JAK1: variants seen among roughly 807,000 people sequenced by gnomAD.
JAK1 encodes tyrosine-protein kinase JAK1.
Under a neutral mutation model 136.6 loss-of-function variants are expected in JAK1, and 16 were observed. The ratio of observed to expected loss-of-function variants is 0.12; its 90% confidence interval spans 0.08 to 0.18. The LOEUF (loss-of-function observed/expected upper bound fraction) is 0.18. Ranked by LOEUF, JAK1 falls within the 10% of genes least tolerant of loss-of-function variation. JAK1 has a pLI of 1.00. For missense variants in JAK1, 859 were observed against 1,450.1 expected (o/e 0.59, Z 6.62); for synonymous variants, 492 against 519.5 (o/e 0.95, Z 0.72).
At chr1:64,914,116 G>A (rs1645350575) in intron 1 of JAK1, among the ~76,000 whole-genome samples, 1 of 152,170 alleles carries the variant, frequency 6.6e-6, no homozygotes, top group Non-Finnish European at 1.5e-5. Context: ...CCAATGTCAG[G>A]TCATTTTGAG....
At chr1:64,910,797 T>C (rs531050345) in intron 1 of JAK1, among the ~76,000 whole-genome samples, 4 of 147,152 alleles carry the variant, frequency 2.7e-5, no homozygotes, top group East Asian at 2.1e-4. Flanking sequence ...TGAGTCGAGA[T>C]TGCGCCACTG....
intron 7 of JAK1, among the ~76,000 whole-genome samples, chr1:64,866,057 C>T (rs1378773048): frequency 2.0e-5 from 3 of 152,116 alleles, no homozygotes; most frequent in African/African-American, 7.2e-5. Flanking sequence ...ACTGCACCCA[C>T]CCACATTTAC....
At chr1:64,853,592 C>G (rs1655736495) in intron 11 of JAK1, among the ~76,000 whole-genome samples, 1 of 152,228 alleles carries the variant, frequency 6.6e-6, no homozygotes, top group African/African-American at 2.4e-5. Flanking sequence ...TACTACTGTT[C>G]TACCTACTAC....
chr1:64,985,482 C>CA (rs1162476537), intron 2 of JAK1: 2 of 1,596,954 alleles, frequency 1.3e-6, no homozygotes, highest in African/African-American at 2.7e-5. Flanking sequence ...ACTTTCAGGG[C>CA]AAAAAGGAAG....
At chr1:64,873,348 C>T in intron 5 of JAK1, 22 bp downstream of exon 5, 1 of 1,613,824 alleles carries the variant, frequency 6.2e-7, no homozygotes, top group African/African-American at 1.3e-5. Flanking sequence ...ACTCCAGCTT[C>T]TCCTGGGCCC....
chr1:64,946,378 T>C (rs1017922740), intron 1 of JAK1, among the ~76,000 whole-genome samples: 1 of 152,202 alleles, frequency 6.6e-6, no homozygotes, highest in Non-Finnish European at 1.5e-5. Flanking sequence ...AAGTAAATGG[T>C]GGCTGGCAAG....
intron 1 of JAK1, among the ~76,000 whole-genome samples, chr1:64,896,668 G>T (rs1016616357): frequency 6.6e-6 from 1 of 152,138 alleles, no homozygotes; most frequent in African/African-American, 2.4e-5. Context: ...TATCGCCAAA[G>T]AAGAATTAGC....
intron 10 of JAK1, among the ~76,000 whole-genome samples, chr1:64,857,416 C>A (rs531835738): frequency 8.5e-5 from 13 of 152,268 alleles, no homozygotes; most frequent in African/African-American, 2.9e-4. Flanking sequence ...GGACCCCCAC[C>A]ATGGGTCCCA....
chr1:64,886,751 T>TAC (rs3838404), intron 1 of JAK1, among the ~76,000 whole-genome samples: 12,596 of 138,836 alleles, frequency 0.091, 518 homozygotes, highest in South Asian at 0.12. Flanking sequence ...CAACCTTGTC[T>TAC]ACACACACAC....
chr1:64,971,620 G>A (rs556524643), intron 2 of JAK1, among the ~76,000 whole-genome samples: 51 of 151,702 alleles, frequency 3.4e-4, no homozygotes, highest in Middle Eastern at 3.4e-3. Flanking sequence ...GTACAGTGGC[G>A]TGATCTCGGC....
intron 1 of JAK1, among the ~76,000 whole-genome samples, chr1:65,056,828 G>T (rs1272404689): frequency 1.3e-5 from 2 of 150,754 alleles, no homozygotes; most frequent in African/African-American, 2.4e-5. Flanking sequence ...GCAGGCTGAG[G>T]CATAAGGATC....
At chr1:64,852,243 CAG>C (rs1449311669) in intron 11 of JAK1, among the ~76,000 whole-genome samples, 5 of 152,250 alleles carry the variant, frequency 3.3e-5, no homozygotes, top group Non-Finnish European at 7.3e-5. Context: ...GATGAGAAAA[CAG>C]AGATTCTGAG....
At chr1:64,909,982 C>T (rs1645255002) in intron 1 of JAK1, among the ~76,000 whole-genome samples, 1 of 152,194 alleles carries the variant, frequency 6.6e-6, no homozygotes, top group Non-Finnish European at 1.5e-5. Flanking sequence ...GTGACCTCCT[C>T]AGTGGGATGG....
At chr1:65,059,386 CT>C (rs1403825108) in intron 1 of JAK1, among the ~76,000 whole-genome samples, 2 of 152,164 alleles carry the variant, frequency 1.3e-5, no homozygotes, top group Admixed American at 1.3e-4. Context: ...GCTAGTGGGG[CT>C]TTATAATTAA....
intron 2 of JAK1, among the ~76,000 whole-genome samples, chr1:65,010,997 A>C (rs1646844123): frequency 6.6e-6 from 1 of 152,142 alleles, no homozygotes. Flanking sequence ...CTAAAATAAT[A>C]ATAATAGATA....
intron 2 of JAK1, among the ~76,000 whole-genome samples, chr1:65,000,528 G>T (rs1646745801): frequency 6.6e-6 from 1 of 151,700 alleles, no homozygotes; most frequent in Non-Finnish European, 1.5e-5. Flanking sequence ...CTACAAAGCT[G>T]CACACTCCAG....
intron 1 of JAK1, among the ~76,000 whole-genome samples, chr1:64,921,501 G>A (rs907176189): frequency 1.3e-5 from 2 of 151,950 alleles, no homozygotes; most frequent in Non-Finnish European, 2.9e-5. Flanking sequence ...ACCTACTAGA[G>A]TATATAGTAG....
chr1:64,948,289 C>T (rs1646023381), intron 1 of JAK1, among the ~76,000 whole-genome samples: 1 of 152,216 alleles, frequency 6.6e-6, no homozygotes, highest in Non-Finnish European at 1.5e-5. Flanking sequence ...ATATACTGAG[C>T]ATAGTGCTAG....
rs568892805 is a variant in JAK1 at position 64,963,869 on chromosome 1, G to C, written c.-78+2464C>G. On this transcript the variant is annotated intron_variant, in intron 1 of 24. Transcript: ENST00000342505. ...TTTGTTTGGGATGGGGGGCTGTCTT[G>C]TGCGTTATAGGATGTTTAGTAGCAT... Among the ~76,000 whole-genome samples, 13 of 152,190 alleles carry C rather than the reference G, an allele frequency of 8.5e-5. No homozygotes were observed. The East Asian group carries it at 2.5e-3, about 29-fold the overall frequency.
Sources: gnomAD v4.1 joint callset for allele counts (sites outside exome capture counted in the v4.1 genomes callset) on GRCh38, gnomAD v4.1.1 for gene constraint, MANE v1.5 for transcripts, NCBI Gene and HGNC (gene_info 2026-07-23, HGNC 2026-07-21) for gene names.